RTN4IP1: variants seen among roughly 807,000 people sequenced by gnomAD.
The protein encoded by RTN4IP1 is NAD(P)H oxidoreductase RTN4IP1, mitochondrial.
Under a neutral mutation model 46.6 loss-of-function variants are expected in RTN4IP1, and 32 were observed. The ratio of observed to expected loss-of-function variants is 0.69; its 90% CI spans 0.52 to 0.92. RTN4IP1 has a LOEUF of 0.92. RTN4IP1 is among the 40% of genes least tolerant of loss of function. The pLI is 0.00. For synonymous variants in RTN4IP1, 167 were observed against 161.8 expected (o/e 1.03, Z -0.24); for missense variants, 424 against 485.8 (o/e 0.87, Z 1.20).
chr6:106,589,242 G>GAGGAGAAGA (rs1775581464), intron 6 of RTN4IP1, among the ~76,000 whole-genome samples: 1 of 6,542 alleles, frequency 1.5e-4, no homozygotes, highest in African/African-American at 2.4e-4. Flanking sequence ...AGGGAGGGAG[G>GAGGAGAAGA]AGGAGGAGAA....
At chr6:106,620,835 A>T (rs930967814) in intron 3 of RTN4IP1, among the ~76,000 whole-genome samples, 5 of 152,166 alleles carry the variant, frequency 3.3e-5, no homozygotes, top group African/African-American at 7.2e-5. Flanking sequence ...CGTGAAGTAA[A>T]TCCAAATAAA....
chr6:106,606,070 C>CA (rs1776065677), intron 4 of RTN4IP1, among the ~76,000 whole-genome samples: 1 of 152,038 alleles, frequency 6.6e-6, no homozygotes, highest in South Asian at 2.1e-4. Context: ...AAAAGACCAC[C>CA]AAAAACCTCT....
intron 1 of RTN4IP1, 114 bp from the exon 2 acceptor site, chr6:106,623,083 C>T (rs1776529323): frequency 9.1e-6 from 9 of 988,164 alleles, no homozygotes; most frequent in Admixed American, 2.2e-5. Context: ...GATTATAAAT[C>T]ATTCCATTAC....
At chr6:106,613,447 GA>G (rs1028041919) in intron 4 of RTN4IP1, among the ~76,000 whole-genome samples, 15 of 152,086 alleles carry the variant, frequency 9.9e-5, no homozygotes, top group Non-Finnish European at 1.8e-4. Flanking sequence ...CTAGTCTGTG[GA>G]AAATTCCTCC....
chr6:106,587,437 T>C (rs1380753325), intron 7 of RTN4IP1, among the ~76,000 whole-genome samples: 2 of 152,258 alleles, frequency 1.3e-5, no homozygotes, highest in Non-Finnish European at 2.9e-5. Flanking sequence ...AAGGTAGATC[T>C]ATTAACAGCC....
intron 1 of RTN4IP1, among the ~76,000 whole-genome samples, chr6:106,625,654 T>A (rs1260108485): frequency 2.8e-5 from 4 of 141,186 alleles, no homozygotes; most frequent in Non-Finnish European, 6.0e-5. Flanking sequence ...GCTTTTTTCT[T>A]TTTTTTCTTT....
rs139114444 is a variant in RTN4IP1, at chr6:106,619,231, G to A, written c.591C>T (p.Gly197=). The change falls in exon 4 of 9, where the codon GGC becomes GGT. Residue 197 remains glycine (G), a synonymous_variant. Coordinates refer to ENST00000369063, the MANE Select transcript of RTN4IP1 (RefSeq NM_032730.5). ...TTCCTGTGCAATTCTTGTCATTCAG[G>A]CCACCAACTTTGTTTATAGCAGACC... ...TAWSAINKVG[G]LNDKNCTGKR... is the part of the protein sequence containing the mutation. 7.4e-6 allele frequency: 12 copies of A among 1,614,026 alleles called. No individual in the cohort carries two copies. In the African/African-American group the frequency reaches 1.3e-4, roughly 18 times the overall value.
Position 106,628,869 on chromosome 6 carries a change from A to G in RTN4IP1, c.153T>C (p.Tyr51=), listed in dbSNP as rs758659907. The part of the protein sequence containing the change: ...TVMPAWVIDK[Y]GKNEVLRFTQ... ...TGAATCGAAGCACTTCATTCTTCCC[A>G]TATTTATCTATCACCCAAGCAGGCA... Residue 51 remains tyrosine, a synonymous_variant, in exon 1 of 9, where the codon TAT becomes TAC. Transcript: ENST00000369063. 3 of 1,614,172 alleles carry G rather than the reference A, an allele frequency of 1.9e-6. No homozygotes were observed. In the South Asian group the frequency reaches 3.3e-5, roughly 18 times the overall value.
chr6:106,617,316 A>G (rs542921922), intron 4 of RTN4IP1, among the ~76,000 whole-genome samples: 1 of 152,254 alleles, frequency 6.6e-6, no homozygotes, highest in Admixed American at 6.5e-5. Flanking sequence ...GCAGAAGTCC[A>G]TGATGTGAAT....
chr6:106,579,613 G>C (rs145818455), intron 8 of RTN4IP1, among the ~76,000 whole-genome samples: 38 of 152,158 alleles, frequency 2.5e-4, no homozygotes, highest in African/African-American at 9.2e-4. Context: ...GAAAGCAAAG[G>C]TAGGGTTGTT....
rs1044631675 is a variant in RTN4IP1, at chr6:106,617,140, C to T, written c.620+2062G>A. On this transcript the variant is annotated intron_variant, in intron 4 of 8. Coordinates refer to ENST00000369063, the MANE Select transcript of RTN4IP1 (RefSeq NM_032730.5). ...AACCTGATGTCACCTTGATCTCAGG[C>T]TTCCCAGCCTCCACAACTGTGAGAA... 3.3e-5 allele frequency among the ~76,000 whole-genome samples: 5 copies of T among 152,228 alleles called. No homozygotes were observed. In the South Asian group the frequency reaches 1.0e-3, roughly 32 times the overall value.
intron 5 of RTN4IP1, among the ~76,000 whole-genome samples, chr6:106,595,484 T>C (rs1168875779): frequency 6.9e-6 from 1 of 145,454 alleles, no homozygotes; most frequent in Non-Finnish European, 1.5e-5. Context: ...ATTTAAGTAG[T>C]TGGAATACTT....
intron 3 of RTN4IP1, among the ~76,000 whole-genome samples, chr6:106,620,251 C>T (rs1776454735): frequency 6.6e-6 from 1 of 152,022 alleles, no homozygotes; most frequent in South Asian, 2.1e-4. Context: ...ACTACAGGCG[C>T]CCAACACCAT....
At chr6:106,606,437 A>C (rs1406423790) in intron 4 of RTN4IP1, among the ~76,000 whole-genome samples, 1 of 152,108 alleles carries the variant, frequency 6.6e-6, no homozygotes, top group Non-Finnish European at 1.5e-5. Context: ...AAATTTTTTT[A>C]AATAAACAAA....
chr6:106,629,767 CAA>C (rs1053738294), upstream of RTN4IP1: 62 of 1,563,162 alleles, frequency 4.0e-5, no homozygotes, highest in Admixed American at 3.6e-4. Context: ...ACTTCGTTGA[CAA>C]AGAGTCCCTG....
chr6:106,576,266 G>C (rs1775223723), intron 8 of RTN4IP1, among the ~76,000 whole-genome samples: 1 of 152,196 alleles, frequency 6.6e-6, no homozygotes, highest in Non-Finnish European at 1.5e-5. Context: ...GATGGCAGAT[G>C]GGGGAACTCT....
At chr6:106,583,071 C>T (rs146414157) in intron 8 of RTN4IP1, among the ~76,000 whole-genome samples, 5 of 152,270 alleles carry the variant, frequency 3.3e-5, no homozygotes, top group East Asian at 1.9e-4. Flanking sequence ...TCCCTGGGCC[C>T]GCCTCTTCAT....
chr6:106,619,087 A>C, intron 4 of RTN4IP1, 115 bp downstream of exon 4: 70 of 1,169,706 alleles, frequency 6.0e-5, no homozygotes, highest in Non-Finnish European at 7.6e-5. Context: ...AAATGTTAGT[A>C]CAGCTCTGTT....
chr6:106,609,443 G>A (rs1033206249), intron 4 of RTN4IP1, among the ~76,000 whole-genome samples: 10 of 151,986 alleles, frequency 6.6e-5, no homozygotes, highest in African/African-American at 2.4e-4. Context: ...GTGGAAGGAT[G>A]GCTTGAGCCC....
Sources: gnomAD v4.1 joint callset for allele counts (sites outside exome capture counted in the v4.1 genomes callset) on GRCh38, gnomAD v4.1.1 for gene constraint, MANE v1.5 for transcripts, NCBI Gene and HGNC (gene_info 2026-07-23, HGNC 2026-07-21) for gene names.